The following RAD51B variants were observed in gnomAD, a reference collection of about 807,000 sequenced individuals.
RAD51B encodes DNA repair protein RAD51 homolog 2.
A neutral mutation model predicts 42.2 loss-of-function variants in RAD51B; 38 were observed. That is an observed-to-expected ratio of 0.90 (90% CI 0.70 to 1.18). The LOEUF (loss-of-function observed/expected upper bound fraction) is 1.18, where lower values mean the gene tolerates loss of function less well. RAD51B is among the 50% of genes most tolerant of loss of function. The pLI is 0.00. For missense variants in RAD51B, 373 were observed against 400.7 expected, an observed-to-expected ratio of 0.93 and a Z score of 0.59; for synonymous variants, 154 against 145.2, an observed-to-expected ratio of 1.06 and a Z score of -0.43.
chr14:68,087,916 TATATTATATATAATTATATAATTTA>T (rs1566634353), intron 7 of RAD51B, among the ~76,000 whole-genome samples: 16 of 120,066 alleles, frequency 1.3e-4, no homozygotes, highest in African/African-American at 5.7e-4. Flanking sequence ...AATTATATAA[TATATTATATATAATTATATAATTTA>T]TTATTATATA....
At chr14:67,990,888 C>T (rs1191066220) in intron 7 of RAD51B, among the ~76,000 whole-genome samples, 1 of 152,014 alleles carries the variant, frequency 6.6e-6, no homozygotes, top group East Asian at 1.9e-4. Context: ...AAGACTATTG[C>T]TGTGTTAAGA....
downstream of RAD51B, among the ~76,000 whole-genome samples, chr14:68,597,379 G>C (rs554223000): frequency 6.6e-6 from 1 of 152,108 alleles, no homozygotes; most frequent in Non-Finnish European, 1.5e-5. Flanking sequence ...GACCAGCCAA[G>C]GAACATTTTC....
chr14:68,443,092 C>A (rs1234289344), intron 9 of RAD51B, among the ~76,000 whole-genome samples: 3 of 152,154 alleles, frequency 2.0e-5, no homozygotes, highest in Non-Finnish European at 4.4e-5. Context: ...GCCTTTCCTC[C>A]TCAATAACAG....
At chr14:67,989,293 G>A (rs776897022) in intron 7 of RAD51B, among the ~76,000 whole-genome samples, 29 of 152,164 alleles carry the variant, frequency 1.9e-4, no homozygotes, top group Non-Finnish European at 2.9e-4. Context: ...CTAAAAGAAA[G>A]ATATTTTTAA....
chr14:68,216,187 C>T (rs1382938625), intron 7 of RAD51B, among the ~76,000 whole-genome samples: 2 of 152,196 alleles, frequency 1.3e-5, no homozygotes, highest in Admixed American at 1.3e-4. Flanking sequence ...AGTTGGAAAT[C>T]CCAGCTTAGT....
chr14:67,870,341 G>T (rs2042482405), intron 5 of RAD51B, among the ~76,000 whole-genome samples: 1 of 152,074 alleles, frequency 6.6e-6, no homozygotes. Flanking sequence ...GACAAAGAAG[G>T]CCGTTACATA....
chr14:68,556,092 T>G (rs1888828563), intron 10 of RAD51B, among the ~76,000 whole-genome samples: 1 of 152,258 alleles, frequency 6.6e-6, no homozygotes, highest in African/African-American at 2.4e-5. Context: ...TTCTTAAGAA[T>G]ACTTTTTATT....
chr14:68,415,027 G>C, intron 9 of RAD51B, among the ~76,000 whole-genome samples: 1 of 63,616 alleles, frequency 1.6e-5, no homozygotes, highest in Non-Finnish European at 2.5e-5. Flanking sequence ...GCAAGACTCT[G>C]TCTCAAAAAA....
intron 8 of RAD51B, among the ~76,000 whole-genome samples, chr14:68,372,353 G>T (rs1208855170): frequency 6.6e-6 from 1 of 152,006 alleles, no homozygotes; most frequent in South Asian, 2.1e-4. Context: ...AGTCAAAGGA[G>T]GTTTTTTTTT....
chr14:68,465,658 C>T (rs961457026), intron 9 of RAD51B, among the ~76,000 whole-genome samples: 4 of 152,098 alleles, frequency 2.6e-5, no homozygotes, highest in Non-Finnish European at 5.9e-5. Flanking sequence ...CACATTGAAC[C>T]GGGCCAGGCG....
intron 8 of RAD51B, among the ~76,000 whole-genome samples, chr14:68,309,067 T>C (rs1256560313): frequency 6.6e-6 from 1 of 152,196 alleles, no homozygotes; most frequent in African/African-American, 2.4e-5. Flanking sequence ...TATTTGATGA[T>C]GTTTCTGTGT....
At chr14:68,497,100 CT>C in intron 10 of RAD51B, 1 of 1,372,456 alleles carries the variant, frequency 7.3e-7, no homozygotes, top group Non-Finnish European at 9.7e-7. Flanking sequence ...TATCTTGACA[CT>C]CATGTTCTTT....
intron 10 of RAD51B, among the ~76,000 whole-genome samples, chr14:68,534,566 A>T (rs539569383): frequency 6.6e-6 from 1 of 152,132 alleles, no homozygotes; most frequent in Non-Finnish European, 1.5e-5. Flanking sequence ...TTTGGGTGCT[A>T]TGGGGAAAAA....
intron 7 of RAD51B, among the ~76,000 whole-genome samples, chr14:68,272,324 C>G (rs1409312277): frequency 1.3e-5 from 2 of 152,036 alleles, no homozygotes; most frequent in African/African-American, 4.8e-5. Context: ...CTGTGTGACT[C>G]TCAGCAAGAC....
rs115561492 is a variant in RAD51B at position 68,038,522 on chromosome 14, A to G, written c.756+151318A>G. Among the ~76,000 whole-genome samples the G allele has an allele frequency of 6.3e-3, 953 of 152,074 alleles. 11 individuals carry two copies. The highest frequency in any genetic ancestry group is 0.022 in the African/African-American group (908 of 41,484). ...GGCAGAAATATTTCTTAAGTTTTCC[A>G]TTGTTAACTACAAACTTGGCTATAT... is the stretch of plus-strand genomic sequence containing the variant. On this transcript the variant is annotated intron_variant, in intron 7 of 10. Coordinates refer to ENST00000471583, the MANE Select transcript of RAD51B (RefSeq NM_133510.4).
At chr14:68,680,639 C>G (rs1265625692) in intron 11 of RAD51B, among the ~76,000 whole-genome samples, 3 of 152,092 alleles carry the variant, frequency 2.0e-5, no homozygotes, top group African/African-American at 7.2e-5. Flanking sequence ...TGGCCACACC[C>G]TTTGTTAAAT....
At chr14:68,271,109 G>A (rs1211008120) in intron 7 of RAD51B, among the ~76,000 whole-genome samples, 1 of 152,092 alleles carries the variant, frequency 6.6e-6, no homozygotes, top group African/African-American at 2.4e-5. Context: ...CCTTACCCTA[G>A]TTTGTTTCCC....
intron 10 of RAD51B, among the ~76,000 whole-genome samples, chr14:68,532,516 A>G (rs1005913137): frequency 2.6e-5 from 4 of 152,224 alleles, no homozygotes; most frequent in Non-Finnish European, 5.9e-5. Context: ...GTAAATTTTG[A>G]AAGTTGAATC....
chr14:68,263,262 A>C (rs888908394), intron 7 of RAD51B, among the ~76,000 whole-genome samples: 5 of 152,236 alleles, frequency 3.3e-5, no homozygotes, highest in African/African-American at 1.2e-4. Context: ...CTAATGCTTA[A>C]TACAACATTT....
Sources: gnomAD v4.1 joint callset for allele counts (sites outside exome capture counted in the v4.1 genomes callset) on GRCh38, gnomAD v4.1.1 for gene constraint, MANE v1.5 for transcripts, NCBI Gene and HGNC (gene_info 2026-07-23, HGNC 2026-07-21) for gene names.